Variants in IQGAP2 observed in about 807,000 individuals in gnomAD.
The protein encoded by IQGAP2 is IQ motif containing GTPase activating protein 2.
Under a neutral mutation model 201.3 loss-of-function variants are expected in IQGAP2, and 173 were observed. The ratio of observed to expected loss-of-function variants is 0.86; its 90% CI spans 0.76 to 0.98. The LOEUF is 0.98. Ranked by LOEUF, IQGAP2 falls within the 50% of genes least tolerant of loss-of-function variation. The probability of loss-of-function intolerance (pLI) is 0.00; values close to 1 mark genes in which losing one functional copy is unlikely to be tolerated. For missense variants in IQGAP2, 1,687 were observed against 1,864.8 expected (o/e 0.90, Z 1.76); for synonymous variants, 675 against 673.9 (o/e 1.00, Z -0.03).
At chr5:76,529,582 C>T (rs938719137) in intron 2 of IQGAP2, among the ~76,000 whole-genome samples, 22 of 151,072 alleles carry the variant, frequency 1.5e-4, no homozygotes, top group Non-Finnish European at 2.2e-4. Context: ...GAGCCGAGAT[C>T]GCGCCACTGC....
chr5:76,618,255 G>A (rs1241341769), intron 13 of IQGAP2: 3 of 1,614,182 alleles, frequency 1.9e-6, no homozygotes, highest in Middle Eastern at 1.6e-4. Context: ...GAGATGATAA[G>A]CTATCTTAAA....
intron 2 of IQGAP2, among the ~76,000 whole-genome samples, chr5:76,541,771 T>C (rs1220684764): frequency 6.6e-6 from 1 of 152,228 alleles, no homozygotes; most frequent in Non-Finnish European, 1.5e-5. Context: ...TTCCCTGGTG[T>C]CCCAGTTCTA....
intron 1 of IQGAP2, among the ~76,000 whole-genome samples, chr5:76,451,237 T>C (rs991492704): frequency 6.6e-6 from 1 of 152,214 alleles, no homozygotes; most frequent in African/African-American, 2.4e-5. Context: ...CTGTTACTTG[T>C]TGACTTCCTT....
rs1746636373 is a variant in IQGAP2 at position 76,695,450 on chromosome 5, T to C, written c.3994-4T>C. Reference sequence around the variant, plus strand: ...AACTCAGCATCTTGATATTCTCTTTTCAGGAGGTAGACCATGCCACGGACA... The same window carrying C: ...AACTCAGCATCTTGATATTCTCTTTCCAGGAGGTAGACCATGCCACGGACA... On this transcript the variant is annotated splice_polypyrimidine_tract_variant and splice_region_variant and intron_variant, in intron 31 of 35. Transcript: ENST00000274364. The C allele has an allele frequency of 6.2e-7, 1 of 1,613,182 alleles. No individual in the cohort carries two copies. The highest frequency in any genetic ancestry group is 8.5e-7 in the Non-Finnish European group (1 of 1,179,180).
intron 2 of IQGAP2, among the ~76,000 whole-genome samples, chr5:76,511,711 C>T (rs1757976585): frequency 1.3e-5 from 2 of 148,326 alleles, no homozygotes; most frequent in Admixed American, 6.7e-5. Flanking sequence ...GACGGAGTCT[C>T]GCTCTGTCGC....
At chr5:76,509,398 G>T (rs1433599111) in intron 2 of IQGAP2, among the ~76,000 whole-genome samples, 9 of 150,530 alleles carry the variant, frequency 6.0e-5, no homozygotes, top group Non-Finnish European at 1.3e-4. Context: ...GCAATTCCTT[G>T]TCCTTTTTTT....
chr5:76,595,618 G>A (rs1471285870), intron 9 of IQGAP2, among the ~76,000 whole-genome samples: 5 of 151,748 alleles, frequency 3.3e-5, no homozygotes, highest in East Asian at 3.9e-4. Context: ...AAAATTAGCC[G>A]GGTGTGGTGG....
At chr5:76,626,051 G>A (rs1208561093) in intron 13 of IQGAP2, among the ~76,000 whole-genome samples, 4 of 152,072 alleles carry the variant, frequency 2.6e-5, no homozygotes, top group African/African-American at 9.7e-5. Flanking sequence ...AAGTTAAATA[G>A]GAATATTTAC....
At chr5:76,662,890 T>A (rs1488536476) in intron 21 of IQGAP2, among the ~76,000 whole-genome samples, 1 of 152,140 alleles carries the variant, frequency 6.6e-6, no homozygotes, top group Non-Finnish European at 1.5e-5. Context: ...TAAAAGCAAT[T>A]GGGGTGACAG....
chr5:76,588,545 A>G (rs1331119668), intron 5 of IQGAP2, among the ~76,000 whole-genome samples: 1 of 152,242 alleles, frequency 6.6e-6, no homozygotes, highest in African/African-American at 2.4e-5. Context: ...CTTCAATAAA[A>G]TAAGAATTAT....
intron 2 of IQGAP2, among the ~76,000 whole-genome samples, chr5:76,473,751 A>G (rs1300037993): frequency 2.0e-5 from 3 of 152,174 alleles, no homozygotes; most frequent in African/African-American, 4.8e-5. Context: ...ACCACCTTCA[A>G]TTCATCAATT....
At chr5:76,555,652 G>T (rs1217360321) in intron 2 of IQGAP2, among the ~76,000 whole-genome samples, 2 of 152,236 alleles carry the variant, frequency 1.3e-5, no homozygotes, top group African/African-American at 4.8e-5. Context: ...GTAAGGTTCA[G>T]TAGTGTAGGC....
intron 6 of IQGAP2, among the ~76,000 whole-genome samples, chr5:76,589,311 CA>C (rs35291690): frequency 0.62 from 65,827 of 106,880 alleles, 17,581 homozygotes; most frequent in South Asian, 0.75. Context: ...GACTCTGCCT[CA>C]AAAAAAAAAA....
chr5:76,490,424 T>G (rs963325559), intron 2 of IQGAP2, among the ~76,000 whole-genome samples: 2 of 152,196 alleles, frequency 1.3e-5, no homozygotes, highest in Non-Finnish European at 2.9e-5. Flanking sequence ...ATTTGTTTCC[T>G]TATCCATTTA....
chr5:76,660,091 G>C (rs953492384), intron 21 of IQGAP2: 1 of 109,522 alleles, frequency 9.1e-6, no homozygotes, highest in Non-Finnish European at 2.1e-5. Context: ...GAAGGCTACA[G>C]TGGCTCATAG....
chr5:76,497,759 A>G (rs60807880), intron 2 of IQGAP2, among the ~76,000 whole-genome samples: 156 of 152,360 alleles, frequency 1.0e-3, no homozygotes, highest in Middle Eastern at 6.8e-3. Flanking sequence ...AGATTACGAT[A>G]CCACAATGCA....
intron 25 of IQGAP2, 33 bp from the exon 26 acceptor site, chr5:76,673,919 A>G (rs1456981863): frequency 3.1e-6 from 4 of 1,270,974 alleles, no homozygotes; most frequent in Non-Finnish European, 4.6e-6. Context: ...CCTTTTTTCC[A>G]TTATTTTCTT....
intron 1 of IQGAP2, among the ~76,000 whole-genome samples, chr5:76,429,644 G>GTATA (rs201080549): frequency 2.5e-4 from 36 of 141,510 alleles, no homozygotes; most frequent in African/African-American, 9.1e-4. Context: ...ATACATATAT[G>GTATA]TATATATATA....
chr5:76,559,175 A>G (rs948405996), intron 2 of IQGAP2, among the ~76,000 whole-genome samples: 1 of 152,174 alleles, frequency 6.6e-6, no homozygotes, highest in Non-Finnish European at 1.5e-5. Context: ...TGATGGGATT[A>G]CAGGCGTGAG....
Sources: gnomAD v4.1 joint callset for allele counts (sites outside exome capture counted in the v4.1 genomes callset) on GRCh38, gnomAD v4.1.1 for gene constraint, MANE v1.5 for transcripts, NCBI Gene and HGNC (gene_info 2026-07-23, HGNC 2026-07-21) for gene names.